The following MYO16 variants were observed in gnomAD, a reference collection of about 807,000 sequenced individuals.
The protein encoded by MYO16 is myosin XVI.
MYO16 carries 94 observed loss-of-function variants against 205.3 expected under a neutral mutation model. The observed-to-expected ratio is 0.46, with a 90% CI of 0.39 to 0.54. The LOEUF (loss-of-function observed/expected upper bound fraction) is 0.54. MYO16 is among the 20% of genes least tolerant of loss of function. The pLI, the probability that MYO16 is intolerant of heterozygous loss-of-function variation, is 0.00. For synonymous variants in MYO16, 988 were observed against 954.0 expected (o/e 1.04, Z -0.66); for missense variants, 2,315 against 2,387.5 (o/e 0.97, Z 0.63).
intron 20 of MYO16, among the ~76,000 whole-genome samples, chr13:108,978,007 AT>A (rs1260495565): frequency 4.0e-5 from 6 of 151,610 alleles, no homozygotes; most frequent in Non-Finnish European, 7.4e-5. Context: ...ATAATATTTG[AT>A]TTTTTTCTAT....
intron 6 of MYO16, among the ~76,000 whole-genome samples, chr13:108,803,737 A>G (rs1887032902): frequency 1.3e-5 from 2 of 152,146 alleles, no homozygotes; most frequent in South Asian, 4.1e-4. Flanking sequence ...AGACTTGGTG[A>G]TGGTTTTGCA....
intron 22 of MYO16, among the ~76,000 whole-genome samples, chr13:109,011,498 C>CTTTTTTTTTTTTTTTTTTTTTTTTT (rs34575828): frequency 1.5e-5 from 2 of 129,942 alleles, no homozygotes; most frequent in Non-Finnish European, 3.2e-5. Flanking sequence ...TTCTTCCTTT[C>CTTTTTTTTTTTTTTTTTTTTTTTTT]TTTTTTTTTT....
At chr13:108,623,507 T>A (rs1352103276) in intron 1 of MYO16, among the ~76,000 whole-genome samples, 2 of 152,118 alleles carry the variant, frequency 1.3e-5, no homozygotes, top group African/African-American at 4.8e-5. Flanking sequence ...TGGGGGATAT[T>A]GAAAAACAAT....
the MYO16 span, among the ~76,000 whole-genome samples, chr13:108,562,235 G>A: frequency 6.6e-6 from 1 of 152,022 alleles, no homozygotes; most frequent in African/African-American, 2.4e-5. Flanking sequence ...AAAGCATTCT[G>A]GAGTCTCTTT....
chr13:108,885,372 G>A (rs1331987128), intron 13 of MYO16, among the ~76,000 whole-genome samples: 6 of 151,862 alleles, frequency 4.0e-5, no homozygotes, highest in African/African-American at 1.2e-4. Context: ...CACCTGCCTC[G>A]GCCTGCCAAA....
intron 34 of MYO16, among the ~76,000 whole-genome samples, chr13:109,190,132 T>C (rs1879850847): frequency 6.6e-6 from 1 of 152,196 alleles, no homozygotes; most frequent in African/African-American, 2.4e-5. Context: ...AAAATCTTTC[T>C]ACATTTTTAA....
At chr13:109,034,502 T>C (rs995292978) in intron 23 of MYO16, among the ~76,000 whole-genome samples, 6 of 152,196 alleles carry the variant, frequency 3.9e-5, no homozygotes, top group African/African-American at 1.4e-4. Context: ...TCCGCCATGA[T>C]TGTAAGTTCC....
intron 2 of MYO16, among the ~76,000 whole-genome samples, chr13:108,711,299 G>A (rs1883712424): frequency 6.6e-6 from 1 of 152,216 alleles, no homozygotes; most frequent in African/African-American, 2.4e-5. Context: ...GAATGTTTTT[G>A]TAACACACTA....
At chr13:108,797,656 G>A (rs1886833199) in intron 6 of MYO16, among the ~76,000 whole-genome samples, 1 of 151,940 alleles carries the variant, frequency 6.6e-6, no homozygotes. Flanking sequence ...GGACTAGTAG[G>A]GTCAAAAATC....
At chr13:108,793,225 G>C (rs559565406) in intron 5 of MYO16, among the ~76,000 whole-genome samples, 12 of 151,576 alleles carry the variant, frequency 7.9e-5, no homozygotes, top group African/African-American at 2.4e-4. Context: ...GGTGGAGCTT[G>C]CGGTGAGCAG....
At position 109,024,811 on chromosome 13, in the gene MYO16, T is replaced by C. The variant is rs749087548; in HGVS notation, c.2796+4900T>C. Among the ~76,000 whole-genome samples, 13 of 152,282 alleles carry C rather than the reference T, an allele frequency of 8.5e-5. 1 individual carries two copies. Among genetic ancestry groups the C allele is most frequent in the Admixed American group, 5.9e-4 (9 of 15,280 alleles). On this transcript the variant is annotated intron_variant, in intron 23 of 34. Coordinates refer to ENST00000457511, the MANE Select transcript of MYO16 (RefSeq NM_001198950.3). ...TGAGGACTCATTCACATGTTCAGTGTAGATTATATGTAATTTGTGGCAATA... is the reference window on the plus strand; with the variant it reads ...TGAGGACTCATTCACATGTTCAGTGCAGATTATATGTAATTTGTGGCAATA...
chr13:108,530,431 C>A, the MYO16 span, among the ~76,000 whole-genome samples: 1 of 152,196 alleles, frequency 6.6e-6, no homozygotes, highest in Non-Finnish European at 1.5e-5. Flanking sequence ...AGAATTATTT[C>A]TTTCAGAGAA....
At chr13:108,865,783 A>G (rs1372924866) in intron 11 of MYO16, among the ~76,000 whole-genome samples, 1 of 152,060 alleles carries the variant, frequency 6.6e-6, no homozygotes, top group African/African-American at 2.4e-5. Flanking sequence ...CTTCTCACTT[A>G]TGCAGTTTAT....
chr13:109,015,248 A>T (rs1274923488), intron 22 of MYO16, among the ~76,000 whole-genome samples: 2 of 152,180 alleles, frequency 1.3e-5, no homozygotes, highest in Non-Finnish European at 2.9e-5. Flanking sequence ...GGCTCTGTTT[A>T]TGTGATGGAT....
chr13:109,061,345 C>A (rs139960746), intron 27 of MYO16, among the ~76,000 whole-genome samples: 1 of 152,316 alleles, frequency 6.6e-6, no homozygotes, highest in East Asian at 1.9e-4. Context: ...TGCAAGAGAT[C>A]TAGCTCTTGG....
chr13:108,528,557 CT>C, the MYO16 span, among the ~76,000 whole-genome samples: 2 of 124,372 alleles, frequency 1.6e-5, no homozygotes, highest in African/African-American at 4.7e-5. Context: ...CTCTCCTCTC[CT>C]CTCCTCTCCT....
In MYO16 at chr13:109,179,646, G is replaced by T. The variant is rs1442133129; in HGVS notation, c.5415+13G>T. ...TCACACCACTCAGGTAATGATGTCTGTCTGTTCACATGTGCAGTGACAAAT... is the reference window on the plus strand; with the variant it reads ...TCACACCACTCAGGTAATGATGTCTTTCTGTTCACATGTGCAGTGACAAAT... On this transcript the variant is annotated intron_variant, in intron 34 of 34. Coordinates refer to ENST00000457511, the MANE Select transcript of MYO16 (RefSeq NM_001198950.3). 9 of 1,595,826 alleles carry T rather than the reference G, an allele frequency of 5.6e-6. No homozygotes were observed. In the African/African-American group the frequency reaches 9.4e-5, roughly 17 times the overall value.
intron 32 of MYO16, among the ~76,000 whole-genome samples, chr13:109,161,805 G>A (rs185121323): frequency 6.6e-6 from 1 of 152,298 alleles, no homozygotes; most frequent in East Asian, 1.9e-4. Context: ...TTAAAAGCAT[G>A]TCATGGTGGC....
At chr13:108,875,345 AG>A (rs1259765342) in intron 12 of MYO16, among the ~76,000 whole-genome samples, 10 of 152,222 alleles carry the variant, frequency 6.6e-5, no homozygotes, top group Non-Finnish European at 1.3e-4. Context: ...CCAATAAAAA[AG>A]TTAGATGGCT....
Sources: gnomAD v4.1 joint callset for allele counts (sites outside exome capture counted in the v4.1 genomes callset) on GRCh38, gnomAD v4.1.1 for gene constraint, MANE v1.5 for transcripts, NCBI Gene and HGNC (gene_info 2026-07-23, HGNC 2026-07-21) for gene names.